Variants in ANKRD18A observed in about 807,000 individuals in gnomAD.
The protein encoded by ANKRD18A is ankyrin repeat domain 18A, also known as ankyrin repeat domain-containing protein 18A.
ANKRD18A carries 72 observed loss-of-function variants against 110.6 expected under a neutral mutation model. That is an observed-to-expected ratio of 0.65 (90% CI 0.54 to 0.79). The LOEUF is 0.79. ANKRD18A is among the 30% of genes least tolerant of loss of function. The probability of loss-of-function intolerance (pLI) is 0.00; values close to 1 mark genes in which losing one functional copy is unlikely to be tolerated. For synonymous variants in ANKRD18A, 305 were observed against 410.3 expected, an observed-to-expected ratio of 0.74 and a Z score of 3.10; for missense variants, 934 against 1,163.3, an observed-to-expected ratio of 0.80 and a Z score of 2.87.
chr9:38,611,199 A>G lies in ANKRD18A; in HGVS notation c.602+16T>C, dbSNP rs1362135602. 5 of 1,523,212 alleles carry G rather than the reference A, an allele frequency of 3.3e-6. No homozygotes were observed. Among genetic ancestry groups the G allele is most frequent in the Non-Finnish European group, 3.5e-6 (4 of 1,138,882 alleles). The allele number at this position is 1,523,212 out of a possible 1,614,324, so 94.4% of individuals were successfully genotyped here. A position where few individuals can be genotyped will look rare whatever the true frequency, so the allele number is the denominator to read the frequency against. On this transcript the variant is annotated intron_variant, in intron 4 of 15. Coordinates refer to ENST00000399703, the MANE Select transcript of ANKRD18A (RefSeq NM_147195.4). ...TTTTTAGGAAAAAAGAAAACAAAAA[A>G]CAAAAACTATTGCACCTTTTGAAAT...
intron 14 of ANKRD18A, among the ~76,000 whole-genome samples, chr9:38,576,317 CTGGT>C (rs951524210): frequency 7.2e-5 from 11 of 152,308 alleles, no homozygotes; most frequent in African/African-American, 2.4e-4. Context: ...GAGAACTAGA[CTGGT>C]TGGTTGGTGA....
intron 12 of ANKRD18A, among the ~76,000 whole-genome samples, chr9:38,581,091 A>G (rs1044057405): frequency 3.3e-5 from 5 of 152,192 alleles, no homozygotes; most frequent in African/African-American, 9.6e-5. Flanking sequence ...TTTCCAAACC[A>G]CAGGTTCATG....
At chr9:38,570,918 C>T (rs2118600424), downstream of ANKRD18A, among the ~76,000 whole-genome samples, 1 of 152,334 alleles carries the variant, frequency 6.6e-6, no homozygotes, top group East Asian at 1.9e-4. Flanking sequence ...TCCTGAGTGT[C>T]AGAGTGGGAG....
At chr9:38,615,403 C>T (rs1161172731) in intron 3 of ANKRD18A, among the ~76,000 whole-genome samples, 191 bp downstream of exon 3, 1 of 152,150 alleles carries the variant, frequency 6.6e-6, no homozygotes, top group African/African-American at 2.4e-5. Flanking sequence ...CAAATACTTC[C>T]CATACGTGCA....
chr9:38,583,377 G>A (rs1824242157), intron 12 of ANKRD18A, among the ~76,000 whole-genome samples: 1 of 152,130 alleles, frequency 6.6e-6, no homozygotes, highest in Non-Finnish European at 1.5e-5. Context: ...AATGTTTACA[G>A]CAGCATTATT....
Position 38,575,622 on chromosome 9 carries a change from G to C in ANKRD18A, c.2818C>G (p.Leu940Val), listed in dbSNP as rs1823854953. Residue 940 changes from leucine (L) to valine (V), a missense_variant, in exon 15 of 16, where the codon CTT (leucine) becomes GTT (valine). Physicochemically the swap from Leu to Val is conservative, Grantham distance 32. Around this residue, in one of 4 missense-constraint regions of ANKRD18A, gnomAD observed 223 missense variants for 226.7 expected, o/e 0.98. Coordinates refer to ENST00000399703, the MANE Select transcript of ANKRD18A (RefSeq NM_147195.4). ...KQRMKYFLSTLPTRPEPELPC... is the reference protein window; with the variant it reads ...KQRMKYFLSTVPTRPEPELPC... ...AACTCTGGTTCTGGCCTTGTAGGAA[G>C]AGTGCTGAGAAAATATTTCATCCGC... is the stretch of plus-strand genomic sequence containing the variant. 4 of 1,551,562 alleles carry C rather than the reference G, an allele frequency of 2.6e-6. No individual in the cohort carries two copies. The highest frequency in any genetic ancestry group is 3.5e-6 in the Non-Finnish European group (4 of 1,146,880).
chr9:38,571,327 C>T, downstream of ANKRD18A: 1 of 1,037,002 alleles, frequency 9.6e-7, no homozygotes, highest in Non-Finnish European at 1.3e-6. Flanking sequence ...CTGGCCTAAT[C>T]TTGGGGAACT....
Position 38,611,309 on chromosome 9 carries a change from G to A in ANKRD18A, c.508C>T (p.Pro170Ser). 5 of 1,524,364 alleles carry A rather than the reference G, an allele frequency of 3.3e-6. No homozygotes were observed. The highest frequency in any genetic ancestry group is 4.4e-6 in the Non-Finnish European group (5 of 1,138,210). The allele number at this position is 1,524,364 out of a possible 1,614,324, so 94.4% of individuals were successfully genotyped here. A position where few individuals can be genotyped will look rare whatever the true frequency, so the allele number is the denominator to read the frequency against. The change falls in exon 4 of 16, where the codon CCA becomes TCA. Residue 170 changes from proline (P) to serine (S), a missense_variant. Transcript: ENST00000399703. ...CTGGAATTTATAGCAAACAAAAGTG[G>A]AGTGTTTCCCTCCTGTAAGAAAGCA... ...IEALNKEGNT[P>S]LLFAINSRRQ...
rs2996335 is a variant in ANKRD18A, at chr9:38,577,104, G to C, written c.2690C>G (p.Ala897Gly). Reference protein sequence around the residue: ...VTTELEEFKEAFAGAVKANNS... With the variant: ...VTTELEEFKEGFAGAVKANNS... Reference sequence around the variant, plus strand: ...GTTAGCTTTCACTGCTCCTGCAAAGGCTTCCTTAAATTCTTCTAATTCAGT... The same window carrying C: ...GTTAGCTTTCACTGCTCCTGCAAAGCCTTCCTTAAATTCTTCTAATTCAGT... The change falls in exon 14 of 16, where the codon GCC (alanine) becomes GGC (glycine). Residue 897 changes from alanine to glycine, a missense_variant. Physicochemically the swap from Ala to Gly is moderately conservative, Grantham distance 60 (BLOSUM62 0). This residue lies in a region of ANKRD18A where 223 missense variants were observed against 226.7 expected (regional missense o/e 0.98). Coordinates refer to ENST00000399703, the MANE Select transcript of ANKRD18A (RefSeq NM_147195.4). 1.4e-5 allele frequency: 21 copies of C among 1,548,674 alleles called. No individual in the cohort carries two copies. Among genetic ancestry groups the C allele is most frequent in the Admixed American group, 3.9e-5 (2 of 50,686 alleles).
chr9:38,577,783 A>C lies in ANKRD18A; in HGVS notation c.2529+84T>G. 6 of 1,450,050 alleles carry C rather than the reference A, an allele frequency of 4.1e-6. No individual in the cohort carries two copies. The South Asian group carries it at 8.1e-5, about 20-fold the overall frequency. 89.8% of individuals were successfully genotyped at this position (1,450,050 alleles called of 1,614,324 possible). A position where few individuals can be genotyped will look rare whatever the true frequency, so the allele number is the denominator to read the frequency against. ...GCTGTAAGAGAGGCAGAGGAAACAC[A>C]ATATATACATATCCAAAATATAGTT... On this transcript the variant is annotated intron_variant, in intron 13 of 15. Transcript: ENST00000399703.
rs920443747 is a variant in ANKRD18A at position 38,595,924 on chromosome 9, A to G, written c.1416T>C (p.Leu472=). 1.3e-6 allele frequency: 2 copies of G among 1,551,164 alleles called. No individual in the cohort carries two copies. The highest frequency in any genetic ancestry group is 2.7e-5 in the African/African-American group (2 of 73,126). ...ISQLTDKNEL[L]TEQVHKARVK... is the part of the protein sequence containing the mutation. ...CCCGAGCTTTATGGACCTGTTCAGT[A>G]AGCAACTCATTCTTATCTGTTAGTT... is the stretch of plus-strand genomic sequence containing the variant. Residue 472 remains leucine (L), a synonymous_variant, in exon 9 of 16, where the codon CTT becomes CTC. Transcript: ENST00000399703.
chr9:38,602,102 C>T (rs1825141159), intron 7 of ANKRD18A, among the ~76,000 whole-genome samples: 1 of 149,762 alleles, frequency 6.7e-6, no homozygotes, highest in Non-Finnish European at 1.5e-5. Flanking sequence ...GGGCTCCCTT[C>T]GTACTTTTTG....
intron 13 of ANKRD18A, among the ~76,000 whole-genome samples, chr9:38,577,480 A>G (rs963843757): frequency 2.0e-5 from 3 of 152,166 alleles, no homozygotes; most frequent in Non-Finnish European, 4.4e-5. Context: ...TTATGTTAGT[A>G]TTAATGTAAT....
At position 38,577,284 on chromosome 9, in the gene ANKRD18A, T is replaced by C. The variant is rs557867576; in HGVS notation, c.2530-20A>G. On this transcript the variant is annotated intron_variant, in intron 13 of 15. Transcript: ENST00000399703. ...TTGTTTCTAAAACAAATGAAAAGAATACACTTTTAAAACAATTATAAGTTA... is the reference window on the plus strand; with the variant it reads ...TTGTTTCTAAAACAAATGAAAAGAACACACTTTTAAAACAATTATAAGTTA... 304 of 1,511,000 alleles carry C rather than the reference T, an allele frequency of 2.0e-4. No homozygotes were observed. The African/African-American group carries it at 3.7e-3, about 18-fold the overall frequency. The allele number at this position is 1,511,000 out of a possible 1,614,324, so 93.6% of individuals were successfully genotyped here. A position where few individuals can be genotyped will look rare whatever the true frequency, so the allele number is the denominator to read the frequency against.
chr9:38,620,192 C>G lies in ANKRD18A; in HGVS notation c.94G>C (p.Asp32His). The change falls in exon 1 of 16, where the codon GAC (aspartate) becomes CAC (histidine). Residue 32 changes from aspartate (D) to histidine (H), a missense_variant. Transcript: ENST00000399703. Reference protein sequence around the residue: ...EYAGPGYDIRDWELRKIHRAA... With the variant: ...EYAGPGYDIRHWELRKIHRAA... ...CTGTGGATCTTCCGCAGTTCCCAGT[C>G]CCGAATGTCGTAACCCGGACCCGCA... 6.4e-7 allele frequency: 1 copy of G among 1,556,392 alleles called. No homozygotes were observed. Among genetic ancestry groups the G allele is most frequent in the Non-Finnish European group, 8.7e-7 (1 of 1,149,686 alleles).
chr9:38,593,710 T>C (rs1405707284), intron 10 of ANKRD18A, 50 bp downstream of exon 10: 6 of 1,412,402 alleles, frequency 4.2e-6, no homozygotes, highest in Non-Finnish European at 5.6e-6. Flanking sequence ...CACTTTATAT[T>C]ATTCAACCAG....
chr9:38,589,812 G>A (rs533321150), intron 10 of ANKRD18A, among the ~76,000 whole-genome samples: 129 of 152,250 alleles, frequency 8.5e-4, no homozygotes, highest in African/African-American at 2.9e-3. Context: ...AATTACAGGC[G>A]TGAGCCACCA....
chr9:38,587,943 C>A (rs559390620), intron 11 of ANKRD18A, among the ~76,000 whole-genome samples: 1 of 152,146 alleles, frequency 6.6e-6, no homozygotes, highest in Admixed American at 6.6e-5. Flanking sequence ...CAAAAATTAG[C>A]CAGGCAGGGT....
At chr9:38,580,867 G>A (rs370089951) in intron 12 of ANKRD18A, among the ~76,000 whole-genome samples, 1 of 151,090 alleles carries the variant, frequency 6.6e-6, no homozygotes, top group Non-Finnish European at 1.5e-5. Flanking sequence ...CTTTCCCTTC[G>A]AACTCAGCCC....
Sources: gnomAD v4.1 joint callset for allele counts (sites outside exome capture counted in the v4.1 genomes callset) on GRCh38, gnomAD v4.1.1 for gene constraint, gnomAD v4.1.1 regional missense constraint, MANE v1.5 for transcripts, NCBI Gene and HGNC (gene_info 2026-07-23, HGNC 2026-07-21) for gene names.